RBFOX1: variants seen among roughly 807,000 people sequenced by gnomAD.
The protein encoded by RBFOX1 is RNA binding fox-1 homolog 1.
In RBFOX1, 8 loss-of-function variants were observed where a neutral mutation model predicts 57.7. The ratio of observed to expected loss-of-function variants is 0.14; its 90% CI spans 0.08 to 0.25. RBFOX1 has a LOEUF of 0.25. Among genes scored for constraint, RBFOX1 ranks in the 10% least tolerant of loss-of-function variants. The pLI is 1.00. For synonymous variants in RBFOX1, 326 were observed against 222.4 expected, an observed-to-expected ratio of 1.47 and a Z score of -4.15; for missense variants, 611 against 548.5, an observed-to-expected ratio of 1.11 and a Z score of -1.14.
chr16:7,586,996 A>C (rs904234620), intron 6 of RBFOX1, among the ~76,000 whole-genome samples: 2 of 152,198 alleles, frequency 1.3e-5, no homozygotes, highest in Admixed American at 1.3e-4. Flanking sequence ...TGCACACAGG[A>C]AAAAAAGAAA....
rs1281559135 is a variant in RBFOX1 at position 6,122,820 on chromosome 16, G to GTGTGTGTGTGTGTGTC, written c.-127+102839_-127+102840insGTGTCTGTGTGTGTGT. 4.3e-3 allele frequency among the ~76,000 whole-genome samples: 657 copies of GTGTGTGTGTGTGTGTC among 151,926 alleles called. 10 individuals are homozygous for GTGTGTGTGTGTGTGTC. Among genetic ancestry groups the GTGTGTGTGTGTGTGTC allele is most frequent in the African/African-American group, 0.015 (636 of 41,340 alleles). On this transcript the variant is annotated intron_variant, in intron 1 of 15. Coordinates refer to ENST00000550418, the MANE Select transcript of RBFOX1 (RefSeq NM_018723.4). Reference sequence around the variant, plus strand: ...TGTGTGTATGTGTGTGTGTGTGTGTGTGTGTGTGTGTATAAAATATACTCT... The same window carrying GTGTGTGTGTGTGTGTC: ...TGTGTGTATGTGTGTGTGTGTGTGTGTGTGTGTGTGTGTGTCTGTGTGTGTGTATAAAATATACTCT...
intron 3 of RBFOX1, among the ~76,000 whole-genome samples, chr16:6,754,642 G>C (rs993381514): frequency 3.3e-5 from 5 of 152,080 alleles, no homozygotes; most frequent in African/African-American, 1.2e-4. Context: ...TATATACGGG[G>C]ATGTTGTTTT....
chr16:5,882,252 C>T (rs1465857421), intron 4 of RBFOX1, among the ~76,000 whole-genome samples: 2 of 152,118 alleles, frequency 1.3e-5, no homozygotes, highest in African/African-American at 2.4e-5. Flanking sequence ...GTGAATTTTT[C>T]ACTCCCATTT....
intron 14 of RBFOX1, among the ~76,000 whole-genome samples, chr16:7,695,112 C>T (rs1185528688): frequency 1.3e-5 from 2 of 152,256 alleles, no homozygotes; most frequent in East Asian, 1.9e-4. Flanking sequence ...TCAGTAAATT[C>T]TTAATGAATT....
chr16:6,793,247 G>A (rs1443146229), intron 3 of RBFOX1, among the ~76,000 whole-genome samples: 1 of 152,222 alleles, frequency 6.6e-6, no homozygotes, highest in Non-Finnish European at 1.5e-5. Flanking sequence ...CATTCCAGTA[G>A]ACCGATTGGA....
chr16:6,709,784 A>T (rs988081925), intron 3 of RBFOX1, among the ~76,000 whole-genome samples: 1 of 152,102 alleles, frequency 6.6e-6, no homozygotes, highest in Non-Finnish European at 1.5e-5. Context: ...CCCAGGAGAT[A>T]CTGCGGCAAG....
intron 3 of RBFOX1, among the ~76,000 whole-genome samples, chr16:6,932,393 C>T (rs1050887891): frequency 1.3e-5 from 2 of 152,204 alleles, no homozygotes; most frequent in Non-Finnish European, 2.9e-5. Context: ...ATGCATGAGC[C>T]ACCATGCCCA....
chr16:7,143,444 C>T (rs1567435852), intron 4 of RBFOX1, among the ~76,000 whole-genome samples: 1 of 152,044 alleles, frequency 6.6e-6, no homozygotes, highest in African/African-American at 2.4e-5. Context: ...TAAAATGTGC[C>T]TCAGTAATTT....
intron 3 of RBFOX1, among the ~76,000 whole-genome samples, chr16:6,914,838 A>G (rs1375466563): frequency 6.6e-6 from 1 of 152,242 alleles, no homozygotes; most frequent in Non-Finnish European, 1.5e-5. Context: ...CACTGAGCCA[A>G]GATCGCAACA....
At chr16:7,420,932 T>C (rs1187063024) in intron 4 of RBFOX1, among the ~76,000 whole-genome samples, 1 of 143,022 alleles carries the variant, frequency 7.0e-6, no homozygotes, top group African/African-American at 2.6e-5. Context: ...TATACACATA[T>C]ATATATACAC....
intron 2 of RBFOX1, among the ~76,000 whole-genome samples, chr16:6,542,897 C>T (rs2096843439): frequency 6.6e-6 from 1 of 151,970 alleles, no homozygotes; most frequent in South Asian, 2.1e-4. Flanking sequence ...CCTCTGGGTA[C>T]ATTAGTGGGG....
intron 3 of RBFOX1, among the ~76,000 whole-genome samples, chr16:6,928,666 C>T (rs1301090383): frequency 6.6e-6 from 1 of 152,000 alleles, no homozygotes; most frequent in East Asian, 1.9e-4. Flanking sequence ...CAAAAGTAGC[C>T]CTCAAATTAC....
intron 2 of RBFOX1, among the ~76,000 whole-genome samples, chr16:6,374,988 A>G (rs1340416304): frequency 6.6e-6 from 1 of 152,210 alleles, no homozygotes; most frequent in African/African-American, 2.4e-5. Flanking sequence ...CTGCAGAACA[A>G]AGACACTGAG....
intron 1 of RBFOX1, among the ~76,000 whole-genome samples, chr16:6,200,004 G>C (rs1216827280): frequency 6.6e-6 from 1 of 152,104 alleles, no homozygotes; most frequent in Admixed American, 6.6e-5. Flanking sequence ...AATGAGCAGG[G>C]GTTGATGGAG....
chr16:6,253,675 A>ATGTGTGTG (rs377653141), intron 1 of RBFOX1, among the ~76,000 whole-genome samples: 15 of 144,882 alleles, frequency 1.0e-4, no homozygotes, highest in South Asian at 2.3e-4. Flanking sequence ...GTGTGTGTGC[A>ATGTGTGTG]TGTGTGTGTG....
chr16:5,638,552 G>T (rs888202554), intron 3 of RBFOX1, among the ~76,000 whole-genome samples: 9 of 152,166 alleles, frequency 5.9e-5, no homozygotes, highest in African/African-American at 2.2e-4. Context: ...CATCTTTGGG[G>T]CCTAAAGGAA....
rs960313396 is a variant in RBFOX1, at chr16:6,550,339, G to C, written c.-63-104264G>C. ...CTACAGGTGTGTGCCACCAGGCCCAGCTAATTTTTATATTTTCATTACAGA... is the reference window on the plus strand; with the variant it reads ...CTACAGGTGTGTGCCACCAGGCCCACCTAATTTTTATATTTTCATTACAGA... On this transcript the variant is annotated intron_variant, in intron 2 of 15. Coordinates refer to ENST00000550418, the MANE Select transcript of RBFOX1 (RefSeq NM_018723.4). Among the ~76,000 whole-genome samples the C allele has an allele frequency of 2.6e-5, 4 of 152,074 alleles. No homozygotes were observed. In the East Asian group the frequency reaches 5.8e-4, roughly 22 times the overall value.
chr16:6,079,007 T>C (rs1458518507), intron 1 of RBFOX1, among the ~76,000 whole-genome samples: 1 of 152,190 alleles, frequency 6.6e-6, no homozygotes, highest in East Asian at 1.9e-4. Flanking sequence ...AATGAACTAG[T>C]GTAAAAGTCA....
At chr16:6,897,438 C>T (rs147513763) in intron 3 of RBFOX1, among the ~76,000 whole-genome samples, 26 of 152,034 alleles carry the variant, frequency 1.7e-4, no homozygotes, top group African/African-American at 6.3e-4. Context: ...TTGACTGGGG[C>T]ATGTCCTGAC....
Sources: allele counts gnomAD v4.1 joint callset (sites outside exome capture counted in the v4.1 genomes callset), GRCh38; gene constraint gnomAD v4.1.1; transcripts MANE v1.5; gene names NCBI Gene and HGNC (gene_info 2026-07-23, HGNC 2026-07-21).